TMEFF2: variants seen among roughly 807,000 people sequenced by gnomAD.
The protein encoded by TMEFF2 is transmembrane protein with EGF like and two follistatin like domains 2.
TMEFF2 carries 28 observed loss-of-function variants against 53.8 expected under a neutral mutation model. The observed-to-expected ratio is 0.52, with a 90% confidence interval of 0.39 to 0.71. TMEFF2 has a LOEUF of 0.71. Among genes scored for constraint, TMEFF2 ranks in the 30% least tolerant of loss-of-function variants. The pLI is 0.00. For synonymous variants in TMEFF2, 162 were observed against 166.3 expected (o/e 0.97, Z 0.20); for missense variants, 353 against 455.2 (o/e 0.78, Z 2.04).
chr2:192,108,938 A>G (rs1472471659), intron 4 of TMEFF2, among the ~76,000 whole-genome samples: 1 of 152,050 alleles, frequency 6.6e-6, no homozygotes, highest in Non-Finnish European at 1.5e-5. Flanking sequence ...GCCAGACACA[A>G]AAAGACATAT....
intron 9 of TMEFF2, 36 bp from the exon 10 acceptor site, chr2:191,950,443 T>TGCTATTACCTAAAGTTTG (rs751122959): frequency 1.2e-6 from 2 of 1,614,030 alleles, no homozygotes; most frequent in South Asian, 2.2e-5. Context: ...CTCAGTCCAA[T>TGCTATTACCTAAAGTTTG]GCTATTACCT....
At chr2:192,123,925 T>A (rs572589622) in intron 4 of TMEFF2, among the ~76,000 whole-genome samples, 108 of 152,362 alleles carry the variant, frequency 7.1e-4, no homozygotes, top group African/African-American at 2.5e-3. Context: ...AGAAAATGTT[T>A]GAATTTTCAA....
chr2:192,044,951 T>A (rs147584910), intron 5 of TMEFF2, among the ~76,000 whole-genome samples: 249 of 152,258 alleles, frequency 1.6e-3, no homozygotes, highest in Non-Finnish European at 1.4e-3. Context: ...CAAATGGAAG[T>A]ACTTTGTATG....
chr2:191,954,566 T>C (rs971068753), intron 8 of TMEFF2, among the ~76,000 whole-genome samples: 5 of 152,138 alleles, frequency 3.3e-5, no homozygotes, highest in Non-Finnish European at 5.9e-5. Context: ...GGTACAAAAA[T>C]TAGTCTGTTT....
At chr2:191,969,141 A>ATGTGTG (rs71405031) in intron 7 of TMEFF2, among the ~76,000 whole-genome samples, 831 of 150,308 alleles carry the variant, frequency 5.5e-3, no homozygotes, top group East Asian at 0.016. Context: ...GTGTGTATCT[A>ATGTGTG]TGTGTGTGTG....
At chr2:192,091,170 T>C (rs1476211394) in intron 4 of TMEFF2, among the ~76,000 whole-genome samples, 1 of 152,180 alleles carries the variant, frequency 6.6e-6, no homozygotes, top group Non-Finnish European at 1.5e-5. Flanking sequence ...AGGCAACTTA[T>C]GGCAGTACTT....
intron 4 of TMEFF2, among the ~76,000 whole-genome samples, chr2:192,148,065 T>C (rs924204617): frequency 6.6e-6 from 1 of 152,056 alleles, no homozygotes; most frequent in Non-Finnish European, 1.5e-5. Flanking sequence ...AGCTCAATCA[T>C]GTGTCCCACA....
At chr2:191,988,869 G>C (rs969417728) in intron 7 of TMEFF2, among the ~76,000 whole-genome samples, 4 of 151,966 alleles carry the variant, frequency 2.6e-5, no homozygotes, top group Non-Finnish European at 5.9e-5. Flanking sequence ...ATCAAACATT[G>C]ATAATGCATC....
intron 4 of TMEFF2, among the ~76,000 whole-genome samples, chr2:192,072,555 TG>T (rs1688315462): frequency 7.2e-6 from 1 of 138,656 alleles, no homozygotes. Context: ...GATTTCTTCA[TG>T]CATATTCGTA....
chr2:192,084,618 A>T (rs370082728), intron 4 of TMEFF2, among the ~76,000 whole-genome samples: 2 of 152,192 alleles, frequency 1.3e-5, no homozygotes, highest in South Asian at 2.1e-4. Context: ...ACATGCTTAT[A>T]TGTTGAGTTT....
chr2:192,005,911 G>A (rs894405646), intron 5 of TMEFF2, among the ~76,000 whole-genome samples: 2 of 152,132 alleles, frequency 1.3e-5, no homozygotes, highest in East Asian at 1.9e-4. Flanking sequence ...AAACTGCAGT[G>A]CAGGAATGAC....
At chr2:192,132,562 G>GA (rs990772158) in intron 4 of TMEFF2, among the ~76,000 whole-genome samples, 301 of 148,444 alleles carry the variant, frequency 2.0e-3, no homozygotes, top group African/African-American at 6.9e-3. Context: ...GTACAATAAT[G>GA]AAAAAAAAAA....
At position 192,144,922 on chromosome 2, in the gene TMEFF2, G is replaced by A. The variant is rs192349919; in HGVS notation, c.439+34746C>T. On this transcript the variant is annotated intron_variant, in intron 4 of 9. Transcript: ENST00000272771. ...AACTAATTTAATGTAAGATTTGGGA[G>A]TTTTCTAACATTTTCAAAAAAATAC... 2.0e-5 allele frequency among the ~76,000 whole-genome samples: 3 copies of A among 152,004 alleles called. No homozygotes were observed. The East Asian group carries it at 5.8e-4, about 29-fold the overall frequency.
chr2:192,005,563 A>T (rs1686479941), intron 5 of TMEFF2, among the ~76,000 whole-genome samples: 1 of 152,114 alleles, frequency 6.6e-6, no homozygotes, highest in Non-Finnish European at 1.5e-5. Context: ...TTGACCATAC[A>T]ATATTCCTAG....
chr2:192,110,613 A>G (rs1574381430), intron 4 of TMEFF2, among the ~76,000 whole-genome samples: 1 of 152,346 alleles, frequency 6.6e-6, no homozygotes, highest in East Asian at 1.9e-4. Context: ...GCTTGTTATA[A>G]ACACAGAAAT....
intron 5 of TMEFF2, among the ~76,000 whole-genome samples, chr2:192,027,112 A>AG (rs1686989342): frequency 6.6e-6 from 1 of 152,198 alleles, no homozygotes; most frequent in Admixed American, 6.5e-5. Flanking sequence ...CCATGTTTAG[A>AG]GGGGGGACAG....
chr2:191,987,972 A>G (rs945761452), intron 7 of TMEFF2, among the ~76,000 whole-genome samples: 16 of 152,150 alleles, frequency 1.1e-4, no homozygotes, highest in African/African-American at 3.9e-4. Flanking sequence ...TGAAGATGAT[A>G]ATGGTTTTCT....
chr2:191,985,216 G>GTAGA (rs899737623), intron 7 of TMEFF2, among the ~76,000 whole-genome samples: 4 of 152,052 alleles, frequency 2.6e-5, no homozygotes, highest in African/African-American at 9.7e-5. Context: ...AAAAAGAGAT[G>GTAGA]TAGATACAAT....
intron 5 of TMEFF2, among the ~76,000 whole-genome samples, chr2:192,000,672 A>G (rs970698470): frequency 6.6e-6 from 1 of 152,210 alleles, no homozygotes; most frequent in Admixed American, 6.5e-5. Flanking sequence ...ACACCAGTGC[A>G]TCTCAGAGTG....
Sources: allele counts gnomAD v4.1 joint callset (sites outside exome capture counted in the v4.1 genomes callset), GRCh38; gene constraint gnomAD v4.1.1; transcripts MANE v1.5; gene names NCBI Gene and HGNC (gene_info 2026-07-23, HGNC 2026-07-21).